The following OR4N2 variants were observed in gnomAD, a reference collection of about 807,000 sequenced individuals.
OR4N2 encodes olfactory receptor 4N2.
For synonymous variants in OR4N2, 141 were observed against 140.4 expected, an observed-to-expected ratio of 1.00 and a Z score of -0.03; for missense variants, 307 against 377.6, an observed-to-expected ratio of 0.81 and a Z score of 1.55.
chr14:19,825,595 G>C (rs563171600), intron 1 of OR4N2, among the ~76,000 whole-genome samples: 8 of 151,586 alleles, frequency 5.3e-5, no homozygotes, highest in African/African-American at 1.9e-4. Context: ...TCGCTCTGTC[G>C]CCCAGGCTGG....
intron 1 of OR4N2, among the ~76,000 whole-genome samples, chr14:19,815,052 T>G (rs1254218286): frequency 2.0e-5 from 3 of 152,270 alleles, no homozygotes; most frequent in African/African-American, 7.2e-5. Context: ...GTGACCCATT[T>G]TCTTTATCCA....
At chr14:19,807,805 C>T (rs1334764423) in intron 1 of OR4N2, among the ~76,000 whole-genome samples, 1 of 152,180 alleles carries the variant, frequency 6.6e-6, no homozygotes, top group Non-Finnish European at 1.5e-5. Context: ...AGGCCAATAT[C>T]CCTGATGAAT....
chr14:19,806,970 C>T (rs1423246441), intron 1 of OR4N2, among the ~76,000 whole-genome samples: 1 of 152,028 alleles, frequency 6.6e-6, no homozygotes, highest in African/African-American at 2.4e-5. Context: ...CATGGGTGCA[C>T]ACTGAAATTA....
chr14:19,829,959 C>T lies in OR4N2; in HGVS notation c.*1587C>T, dbSNP rs1194027297. On this transcript the variant is annotated 3_prime_UTR_variant, in exon 2 of 2. Coordinates refer to ENST00000557677, the MANE Select transcript of OR4N2 (RefSeq NM_001004723.3). ...AGGTAGCAGGTGAGAATTCCTTAAT[C>T]TCCCATCACTACCACTATACAACCT... The T allele has an allele frequency of 1.3e-5, 2 of 152,254 alleles. No homozygotes were observed. The highest frequency in any genetic ancestry group is 2.9e-5 in the Non-Finnish European group (2 of 68,058). The allele number at this position is 152,254 out of a possible 1,614,324, so 9.4% of individuals were successfully genotyped here. A position where few individuals can be genotyped will look rare whatever the true frequency, so the allele number is the denominator to read the frequency against.
At position 19,828,391 on chromosome 14, in the gene OR4N2, A is replaced by T. The variant is rs556096279; in HGVS notation, c.*19A>T. 4.8e-4 allele frequency: 744 copies of T among 1,565,200 alleles called. 3 individuals are homozygous for T. The highest frequency in any genetic ancestry group is 6.9e-4 in the Middle Eastern group (4 of 5,824). On this transcript the variant is annotated 3_prime_UTR_variant, in exon 2 of 2. Transcript: ENST00000557677. The stretch of plus-strand genomic sequence containing the variant: ...AGCCTGAAAAAGGGCGCAAAAAAAA[A>T]AAGAATAAAAATAGACTGTAGAATT...
In OR4N2 at chr14:19,829,971, C is replaced by A. The variant is rs1879825955; in HGVS notation, c.*1599C>A. 6.6e-6 allele frequency: 1 copy of A among 152,308 alleles called. No individual in the cohort carries two copies. The highest frequency in any genetic ancestry group is 2.4e-5 in the African/African-American group (1 of 41,464). 9.4% of individuals were successfully genotyped at this position (152,308 alleles called of 1,614,324 possible). On this transcript the variant is annotated 3_prime_UTR_variant, in exon 2 of 2. Transcript: ENST00000557677. ...AGAATTCCTTAATCTCCCATCACTA[C>A]CACTATACAACCTGCATCTGTGATT... is the stretch of plus-strand genomic sequence containing the variant.
At position 19,828,566 on chromosome 14, in the gene OR4N2, C is replaced by A; in HGVS notation, c.*194C>A. 1 of 583,000 alleles carries A rather than the reference C, an allele frequency of 1.7e-6. No homozygotes were observed. The highest frequency in any genetic ancestry group is 2.9e-6 in the Non-Finnish European group (1 of 340,466). The allele number at this position is 583,000 out of a possible 1,614,324, so 36.1% of individuals were successfully genotyped here. On this transcript the variant is annotated 3_prime_UTR_variant, in exon 2 of 2. Coordinates refer to ENST00000557677, the MANE Select transcript of OR4N2 (RefSeq NM_001004723.3). ...GAGATACAACCTAGTAAAAATAGAC[C>A]ACCATTAAGGTAGAAAATAAACAGC...
intron 1 of OR4N2, among the ~76,000 whole-genome samples, chr14:19,812,329 C>CTTTTTTTTTTTTTTTTTTTTTCTTTTTTT (rs3078143): frequency 8.5e-6 from 1 of 117,438 alleles, no homozygotes. Flanking sequence ...CTTTTCTTTT[C>CTTTTTTTTTTTTTTTTTTTTTCTTTTTTT]TTTTTTTTTT....
rs570541991 is a variant in OR4N2 at position 19,830,228 on chromosome 14, C to T, written c.*1856C>T. 6.6e-6 allele frequency: 1 copy of T among 152,454 alleles called. No homozygotes were observed. Among genetic ancestry groups the T allele is most frequent in the East Asian group, 1.9e-4 (1 of 5,194 alleles). 9.4% of individuals were successfully genotyped at this position (152,454 alleles called of 1,614,324 possible). A position where few individuals can be genotyped will look rare whatever the true frequency, so the allele number is the denominator to read the frequency against. ...AAATAAAACCTTCTTGCCACCTTTT[C>T]CCCTGTCCATGTCACTTCATGAGTC... On this transcript the variant is annotated 3_prime_UTR_variant, in exon 2 of 2. Transcript: ENST00000557677.
chr14:19,807,582 CAAT>C (rs1879195901), intron 1 of OR4N2, among the ~76,000 whole-genome samples: 1 of 105,856 alleles, frequency 9.4e-6, no homozygotes, highest in African/African-American at 3.1e-5. Flanking sequence ...GAAACAGAAT[CAAT>C]AATAAAAAAA....
At chr14:19,820,995 T>G (rs939278448) in intron 1 of OR4N2, among the ~76,000 whole-genome samples, 2 of 152,262 alleles carry the variant, frequency 1.3e-5, no homozygotes, top group African/African-American at 4.8e-5. Flanking sequence ...AACTCCTGCA[T>G]CTACCTCAGT....
chr14:19,814,665 T>A (rs1208669055), intron 1 of OR4N2, among the ~76,000 whole-genome samples: 1 of 152,210 alleles, frequency 6.6e-6, no homozygotes, highest in African/African-American at 2.4e-5. Context: ...TAAATAATAT[T>A]GGTGAAGTCT....
chr14:19,826,495 C>A (rs1305433740), intron 1 of OR4N2, among the ~76,000 whole-genome samples: 3 of 152,244 alleles, frequency 2.0e-5, no homozygotes, highest in Non-Finnish European at 4.4e-5. Flanking sequence ...AGTAATATAA[C>A]TACAGGTTAT....
rs1462451807 is a variant in OR4N2 at position 19,816,075 on chromosome 14, A to G, written c.-9-11365A>G. ...TGGTCTATAGATCTGTTTTGGTACC[A>G]GTACTATGCTGTTTTGGTTACTGCG... is the stretch of plus-strand genomic sequence containing the variant. On this transcript the variant is annotated intron_variant, in intron 1 of 1. Coordinates refer to ENST00000557677, the MANE Select transcript of OR4N2 (RefSeq NM_001004723.3). Among the ~76,000 whole-genome samples the G allele has an allele frequency of 4.6e-5, 7 of 152,358 alleles. No homozygotes were observed. In the East Asian group the frequency reaches 9.6e-4, roughly 21 times the overall value.
At chr14:19,812,379 C>G (rs1399633033) in intron 1 of OR4N2, among the ~76,000 whole-genome samples, 1 of 128,376 alleles carries the variant, frequency 7.8e-6, no homozygotes, top group African/African-American at 3.0e-5. Flanking sequence ...CAGGCTGGAT[C>G]TCGACAGTGG....
At chr14:19,825,797 A>G (rs562741607) in intron 1 of OR4N2, among the ~76,000 whole-genome samples, 1 of 152,248 alleles carries the variant, frequency 6.6e-6, no homozygotes, top group South Asian at 2.1e-4. Context: ...TGAGCTCGTG[A>G]TCCACCCACC....
At chr14:19,816,532 G>A (rs1199784688) in intron 1 of OR4N2, among the ~76,000 whole-genome samples, 1 of 152,202 alleles carries the variant, frequency 6.6e-6, no homozygotes, top group African/African-American at 2.4e-5. Context: ...TGTAATTTTT[G>A]CACATTGATT....
chr14:19,805,826 A>G (rs1384478487), intron 1 of OR4N2, among the ~76,000 whole-genome samples: 6 of 152,170 alleles, frequency 3.9e-5, no homozygotes, highest in Non-Finnish European at 7.4e-5. Flanking sequence ...ATCTAGAAAG[A>G]AAGGTCAGGT....
intron 1 of OR4N2, among the ~76,000 whole-genome samples, chr14:19,811,013 G>C (rs770173354): frequency 1.2e-4 from 19 of 152,208 alleles, no homozygotes; most frequent in Non-Finnish European, 2.1e-4. Flanking sequence ...TTTATACTAA[G>C]AAAATTCCAG....
Sources: gnomAD v4.1 joint callset for allele counts (sites outside exome capture counted in the v4.1 genomes callset) on GRCh38, gnomAD v4.1.1 for gene constraint, MANE v1.5 for transcripts, NCBI Gene and HGNC (gene_info 2026-07-23, HGNC 2026-07-21) for gene names.